PCDH9: variants seen among roughly 807,000 people sequenced by gnomAD.
The protein encoded by PCDH9 is protocadherin 9.
In PCDH9, 24 loss-of-function variants were observed where a neutral mutation model predicts 70.6. The observed-to-expected ratio is 0.34, with a 90% CI of 0.25 to 0.48. The LOEUF is 0.48. Ranked by LOEUF, PCDH9 falls within the 20% of genes least tolerant of loss-of-function variation. The pLI is 0.99. For synonymous variants in PCDH9, 562 were observed against 558.5 expected (o/e 1.01, Z -0.09); for missense variants, 1,281 against 1,503.6 (o/e 0.85, Z 2.45).
At chr13:66,793,184 T>G (rs2080188708) in intron 3 of PCDH9, among the ~76,000 whole-genome samples, 1 of 152,060 alleles carries the variant, frequency 6.6e-6, no homozygotes, top group Non-Finnish European at 1.5e-5. Flanking sequence ...ATGTAAAACC[T>G]GGGCCTACAG....
At chr13:67,209,085 G>C (rs2089417142) in intron 2 of PCDH9, 2 of 152,026 alleles carry the variant, frequency 1.3e-5, no homozygotes, top group Non-Finnish European at 2.9e-5. Flanking sequence ...AAAAACACTG[G>C]AGTATTGTTC....
At chr13:66,717,462 AAAAAAAAAAAAAAAAAAAATATATATAT>A (rs1164641595) in intron 3 of PCDH9, among the ~76,000 whole-genome samples, 2 of 32,788 alleles carry the variant, frequency 6.1e-5, no homozygotes, top group African/African-American at 1.6e-4. Flanking sequence ...AAAAAAAAAA[AAAAAAAAAAAAAAAAAAAATATATATAT>A]ATATATATAT....
At chr13:66,446,986 C>T (rs1271502711) in intron 4 of PCDH9, among the ~76,000 whole-genome samples, 1 of 152,018 alleles carries the variant, frequency 6.6e-6, no homozygotes, top group African/African-American at 2.4e-5. Flanking sequence ...CATTTCCTTT[C>T]TAAGCCATTT....
intron 4 of PCDH9, among the ~76,000 whole-genome samples, chr13:66,445,622 CATATATATTATATACACAT>C (rs1379834218): frequency 6.7e-5 from 9 of 134,372 alleles, no homozygotes; most frequent in Non-Finnish European, 1.4e-4. Flanking sequence ...TATATATACA[CATATATATTATATACACAT>C]ATATATTATA....
intron 4 of PCDH9, among the ~76,000 whole-genome samples, chr13:66,412,440 G>A (rs1327819683): frequency 2.0e-5 from 3 of 152,144 alleles, no homozygotes; most frequent in East Asian, 1.9e-4. Context: ...AATGTAAGCC[G>A]GGCAAGGACA....
At chr13:67,193,443 T>G (rs567071104) in intron 2 of PCDH9, among the ~76,000 whole-genome samples, 1 of 152,190 alleles carries the variant, frequency 6.6e-6, no homozygotes, top group African/African-American at 2.4e-5. Flanking sequence ...ATCTATTTTT[T>G]TTCTCTAATC....
intron 2 of PCDH9, among the ~76,000 whole-genome samples, chr13:67,170,752 C>G (rs1194402418): frequency 6.6e-6 from 1 of 152,068 alleles, no homozygotes; most frequent in Non-Finnish European, 1.5e-5. Context: ...TGGTGAAACC[C>G]TGCCGCTACT....
intron 4 of PCDH9, among the ~76,000 whole-genome samples, chr13:66,376,789 T>C (rs571242227): frequency 6.6e-6 from 1 of 152,230 alleles, no homozygotes; most frequent in South Asian, 2.1e-4. Flanking sequence ...AGAACTTCAT[T>C]AAGGAGACTA....
chr13:66,986,692 A>C (rs2083898043), intron 2 of PCDH9, among the ~76,000 whole-genome samples: 1 of 152,040 alleles, frequency 6.6e-6, no homozygotes, highest in Non-Finnish European at 1.5e-5. Context: ...AACAGATTTT[A>C]GGGTACTAAA....
At chr13:67,209,818 C>A (rs2089433061) in intron 2 of PCDH9, 1 of 151,856 alleles carries the variant, frequency 6.6e-6, no homozygotes, top group Non-Finnish European at 1.5e-5. Context: ...TGTGGTATTT[C>A]ATCTAATTTG....
chr13:67,066,805 TA>T (rs1483302586), intron 2 of PCDH9, among the ~76,000 whole-genome samples: 2 of 152,208 alleles, frequency 1.3e-5, no homozygotes, highest in Admixed American at 6.5e-5. Flanking sequence ...AAACATCTAA[TA>T]ATTTTTCCTG....
At chr13:66,476,097 C>G (rs1009788281) in intron 4 of PCDH9, among the ~76,000 whole-genome samples, 2 of 152,048 alleles carry the variant, frequency 1.3e-5, no homozygotes, top group African/African-American at 4.8e-5. Flanking sequence ...TAAAGGTCTT[C>G]TTAAATATTT....
intron 2 of PCDH9, among the ~76,000 whole-genome samples, chr13:67,076,904 T>A (rs900283710): frequency 2.4e-4 from 36 of 152,298 alleles, no homozygotes; most frequent in African/African-American, 7.9e-4. Context: ...ATATGGCTAA[T>A]AATGGCAGGG....
chr13:67,134,714 C>T (rs1483558357), intron 2 of PCDH9, among the ~76,000 whole-genome samples: 6 of 152,084 alleles, frequency 3.9e-5, no homozygotes, highest in Admixed American at 3.9e-4. Flanking sequence ...GCAGCAAACA[C>T]ACACTCAGAA....
At chr13:66,358,439 C>A (rs916073844) in intron 4 of PCDH9, among the ~76,000 whole-genome samples, 2 of 151,998 alleles carry the variant, frequency 1.3e-5, no homozygotes, top group East Asian at 1.9e-4. Context: ...TGCAAAGGAA[C>A]TTTTAAAGCT....
At chr13:66,589,687 T>C (rs571312516) in intron 4 of PCDH9, among the ~76,000 whole-genome samples, 1 of 152,152 alleles carries the variant, frequency 6.6e-6, no homozygotes, top group East Asian at 1.9e-4. Flanking sequence ...GGAGCAGCGA[T>C]GAATCCTTCC....
At chr13:67,076,170 C>T (rs1055311458) in intron 2 of PCDH9, among the ~76,000 whole-genome samples, 3 of 152,020 alleles carry the variant, frequency 2.0e-5, no homozygotes. Flanking sequence ...TTCTATGTGC[C>T]AGACACTGCC....
intron 4 of PCDH9, among the ~76,000 whole-genome samples, chr13:66,322,315 A>T (rs929867079): frequency 6.6e-6 from 1 of 151,914 alleles, no homozygotes; most frequent in Non-Finnish European, 1.5e-5. Context: ...CGTGGTTGGG[A>T]TGATCAGTAT....
intron 4 of PCDH9, among the ~76,000 whole-genome samples, chr13:66,338,028 A>G (rs537000913): frequency 4.6e-5 from 7 of 152,220 alleles, no homozygotes; most frequent in Non-Finnish European, 8.8e-5. Context: ...AGATAACTGT[A>G]TATTTTACAT....
Sources: gnomAD v4.1 joint callset for allele counts (sites outside exome capture counted in the v4.1 genomes callset) on GRCh38, gnomAD v4.1.1 for gene constraint, MANE v1.5 for transcripts, NCBI Gene and HGNC (gene_info 2026-07-23, HGNC 2026-07-21) for gene names.